The following IL17RD variants were observed in gnomAD, a reference collection of about 807,000 sequenced individuals.
The protein encoded by IL17RD is interleukin-17 receptor D.
Under a neutral mutation model 80.5 loss-of-function variants are expected in IL17RD, and 52 were observed. That is an observed-to-expected ratio of 0.65 (90% CI 0.52 to 0.81). The LOEUF is 0.81. Ranked by LOEUF, IL17RD falls within the 40% of genes least tolerant of loss-of-function variation. IL17RD has a pLI of 0.00. For missense variants in IL17RD, 1,024 were observed against 955.1 expected (o/e 1.07, Z -0.95); for synonymous variants, 416 against 391.8 (o/e 1.06, Z -0.73).
At chr3:57,151,974 G>A (rs970797592) in intron 1 of IL17RD, among the ~76,000 whole-genome samples, 6 of 152,144 alleles carry the variant, frequency 3.9e-5, no homozygotes, top group African/African-American at 9.7e-5. Flanking sequence ...TGCTTCATCC[G>A]AAGGAAATGT....
intron 3 of IL17RD, 54 bp downstream of exon 3, chr3:57,114,638 A>T (rs1707170654): frequency 2.0e-6 from 3 of 1,527,558 alleles, no homozygotes; most frequent in East Asian, 4.6e-5. Flanking sequence ...GGACCTTTGC[A>T]CTGGGCCCTA....
At chr3:57,142,741 T>C (rs924241965) in intron 1 of IL17RD, among the ~76,000 whole-genome samples, 2 of 152,086 alleles carry the variant, frequency 1.3e-5, no homozygotes, top group Middle Eastern at 3.4e-3. Flanking sequence ...AATTCTCAAC[T>C]GAGAATCAAG....
chr3:57,141,281 A>G (rs1707823517), intron 1 of IL17RD, among the ~76,000 whole-genome samples: 1 of 152,236 alleles, frequency 6.6e-6, no homozygotes, highest in South Asian at 2.1e-4. Flanking sequence ...TTTTGAGGGC[A>G]TAAAAAAGAA....
intron 1 of IL17RD, among the ~76,000 whole-genome samples, chr3:57,127,329 TATATATAA>T (rs1707503043): frequency 1.0e-5 from 1 of 99,050 alleles, no homozygotes; most frequent in African/African-American, 4.8e-5. Flanking sequence ...TATATATAAA[TATATATAA>T]AAATATATAT....
chr3:57,160,218 T>C (rs1157570590), intron 1 of IL17RD, among the ~76,000 whole-genome samples: 1 of 151,532 alleles, frequency 6.6e-6, no homozygotes. Flanking sequence ...AAATTGTTGA[T>C]GGGGTAGCCC....
At chr3:57,099,607 A>G (rs1690821877) in intron 11 of IL17RD, among the ~76,000 whole-genome samples, 1 of 152,250 alleles carries the variant, frequency 6.6e-6, no homozygotes, top group Non-Finnish European at 1.5e-5. Context: ...CTTGCTGAAA[A>G]TAACCCTGAA....
chr3:57,166,784 G>T (rs1181929390), upstream of IL17RD, among the ~76,000 whole-genome samples: 1 of 152,042 alleles, frequency 6.6e-6, no homozygotes, highest in Non-Finnish European at 1.5e-5. Flanking sequence ...CTTGGAAATT[G>T]TCACCTCCGT....
intron 1 of IL17RD, among the ~76,000 whole-genome samples, chr3:57,159,133 T>C (rs1158930774): frequency 6.6e-6 from 1 of 152,180 alleles, no homozygotes; most frequent in Non-Finnish European, 1.5e-5. Flanking sequence ...CTTTTTTTTT[T>C]TTTTTAAAGA....
In IL17RD at chr3:57,103,117, T is replaced by A; in HGVS notation, c.842A>T (p.Lys281Ile). Residue 281 changes from lysine (K) to isoleucine (I), a missense_variant, in exon 9 of 13, where the codon AAA becomes ATA. By Grantham distance (102) the Lys-to-Ile change is moderately radical (BLOSUM62 -3). Transcript: ENST00000296318. ...TGGCTTTAAGGCATAATGCATCACT[T>A]TTCTTGTTGTGTTAGTGTCATCCAC... ...ELVDDTNTTR[K>I]VMHYALKPVH... The A allele has an allele frequency of 6.2e-7, 1 of 1,603,104 alleles. No individual in the cohort carries two copies. The highest frequency in any genetic ancestry group is 8.5e-7 in the Non-Finnish European group (1 of 1,174,306).
intron 1 of IL17RD, among the ~76,000 whole-genome samples, chr3:57,154,281 TATACACAC>T (rs1481666614): frequency 1.5e-5 from 2 of 133,122 alleles, no homozygotes; most frequent in Admixed American, 7.5e-5. Context: ...TATATATATA[TATACACAC>T]ACACACACAC....
chr3:57,122,546 G>C (rs552795929), intron 1 of IL17RD, among the ~76,000 whole-genome samples: 1 of 152,258 alleles, frequency 6.6e-6, no homozygotes, highest in East Asian at 1.9e-4. Flanking sequence ...TGCATACGAG[G>C]GATCTAGGCT....
At position 57,093,423 on chromosome 3, in the gene IL17RD, G is replaced by C. The variant is rs905421123; in HGVS notation, c.*2970C>G. 1 of 151,944 alleles carries C rather than the reference G, an allele frequency of 6.6e-6. No individual in the cohort carries two copies. Among genetic ancestry groups the C allele is most frequent in the Non-Finnish European group, 1.5e-5 (1 of 67,988 alleles). 9.4% of individuals were successfully genotyped at this position (151,944 alleles called of 1,614,324 possible). On this transcript the variant is annotated 3_prime_UTR_variant, in exon 13 of 13. Transcript: ENST00000296318. ...AGAAGGGTGTGTCATTTTTCCTCAA[G>C]GAATAAAATTGGTCCTCTTGCCCCT...
At position 57,092,278 on chromosome 3, in the gene IL17RD, T is replaced by C. The variant is rs770309618; in HGVS notation, c.*4115A>G. On this transcript the variant is annotated 3_prime_UTR_variant, in exon 13 of 13. Coordinates refer to ENST00000296318, the MANE Select transcript of IL17RD (RefSeq NM_017563.5). ...AGCTAAAACTATAAACAAAGCCCTT[T>C]AGGTTGTGGAGTTTAAATGAAATTG... 6 of 152,594 alleles carry C rather than the reference T, an allele frequency of 3.9e-5. No homozygotes were observed. Among genetic ancestry groups the C allele is most frequent in the Admixed American group, 6.5e-5 (1 of 15,284 alleles). 9.5% of individuals were successfully genotyped at this position (152,594 alleles called of 1,614,324 possible).
At chr3:57,110,382 AT>A (rs1331929971) in intron 3 of IL17RD, 71 bp from the exon 4 acceptor site, 1 of 1,483,606 alleles carries the variant, frequency 6.7e-7, no homozygotes, top group Non-Finnish European at 9.2e-7. Context: ...TTCCTCCAAG[AT>A]TACCATCTTC....
intron 1 of IL17RD, among the ~76,000 whole-genome samples, chr3:57,140,733 T>G (rs1190317788): frequency 1.3e-5 from 2 of 152,140 alleles, no homozygotes; most frequent in East Asian, 3.8e-4. Context: ...TGAGATGAGG[T>G]CTACTCTGGG....
intron 1 of IL17RD, among the ~76,000 whole-genome samples, chr3:57,156,636 A>G (rs768491056): frequency 4.6e-5 from 7 of 152,214 alleles, no homozygotes; most frequent in Non-Finnish European, 8.8e-5. Context: ...CACTCAATGA[A>G]TGAATGGCCA....
In IL17RD at chr3:57,142,860, T is replaced by G. The variant is rs561773098; in HGVS notation, c.126+22301A>C. Among the ~76,000 whole-genome samples, 293 of 152,296 alleles carry G rather than the reference T, an allele frequency of 1.9e-3. 6 individuals are homozygous for G. In the South Asian group the frequency reaches 0.031, roughly 16 times the overall value. ...GCATCCCAGTTTTAACCTGGAAGCTTTGCTGAGATTTGAAGCTTCCTCAAC... is the reference window on the plus strand; with the variant it reads ...GCATCCCAGTTTTAACCTGGAAGCTGTGCTGAGATTTGAAGCTTCCTCAAC... On this transcript the variant is annotated intron_variant, in intron 1 of 12. Coordinates refer to ENST00000296318, the MANE Select transcript of IL17RD (RefSeq NM_017563.5).
chr3:57,127,736 C>G (rs910085594), intron 1 of IL17RD, among the ~76,000 whole-genome samples: 4 of 152,060 alleles, frequency 2.6e-5, no homozygotes, highest in African/African-American at 9.7e-5. Context: ...AAAATTTTCT[C>G]CATCTTGGGC....
chr3:57,122,104 A>G (rs1249344201), intron 1 of IL17RD, among the ~76,000 whole-genome samples: 1 of 152,224 alleles, frequency 6.6e-6, no homozygotes, highest in East Asian at 1.9e-4. Context: ...AAAACAAGGT[A>G]TATATAGCAA....
Sources: gnomAD v4.1 joint callset for allele counts (sites outside exome capture counted in the v4.1 genomes callset) on GRCh38, gnomAD v4.1.1 for gene constraint, MANE v1.5 for transcripts, NCBI Gene and HGNC (gene_info 2026-07-23, HGNC 2026-07-21) for gene names.